The following TRPM1 variants were observed in gnomAD, a reference collection of about 807,000 sequenced individuals.
TRPM1 encodes the protein TRPM1-203 APA Isoform, Intron 10.
A neutral mutation model predicts 149.4 loss-of-function variants in TRPM1; 113 were observed. That is an observed-to-expected ratio of 0.76 (90% CI 0.65 to 0.88). TRPM1 has a LOEUF of 0.88. TRPM1 is among the 40% of genes least tolerant of loss of function. The pLI, the probability that TRPM1 is intolerant of heterozygous loss-of-function variation, is 0.00. For synonymous variants in TRPM1, 741 were observed against 759.5 expected (o/e 0.98, Z 0.40); for missense variants, 1,976 against 2,038.7 (o/e 0.97, Z 0.59).
At chr15:31,130,546 G>A (rs369104950) in intron 1 of TRPM1, among the ~76,000 whole-genome samples, 2 of 152,202 alleles carry the variant, frequency 1.3e-5, no homozygotes, top group East Asian at 3.9e-4. Flanking sequence ...GAGTCATGAA[G>A]CCAGAGGCTG....
chr15:31,154,769 A>G (rs548757075), intron 1 of TRPM1, among the ~76,000 whole-genome samples: 1 of 152,218 alleles, frequency 6.6e-6, no homozygotes, highest in East Asian at 1.9e-4. Context: ...ATTTTGCAGA[A>G]CCTGCACTTG....
chr15:31,072,964 G>A (rs2034598824), intron 3 of TRPM1, among the ~76,000 whole-genome samples: 1 of 152,004 alleles, frequency 6.6e-6, no homozygotes, highest in African/African-American at 2.4e-5. Context: ...CATTCTGTGG[G>A]TTGTCTTTCC....
chr15:31,103,114 C>G (rs2035548068), upstream of TRPM1, among the ~76,000 whole-genome samples: 1 of 152,188 alleles, frequency 6.6e-6, no homozygotes, highest in Non-Finnish European at 1.5e-5. Flanking sequence ...TGTGGAGGCT[C>G]TGTGGTCAGC....
At chr15:31,088,350 TTTC>T (rs1207018934) in intron 1 of TRPM1, among the ~76,000 whole-genome samples, 4 of 152,208 alleles carry the variant, frequency 2.6e-5, no homozygotes, top group Non-Finnish European at 5.9e-5. Context: ...TTGTGGAAGC[TTTC>T]TTCTTTTTGT....
In TRPM1 at chr15:31,076,936, A is replaced by G. The variant is rs1371435490; in HGVS notation, c.52T>C (p.Phe18Leu). 1 of 1,612,340 alleles carries G rather than the reference A, an allele frequency of 6.2e-7. No individual in the cohort carries two copies. Among genetic ancestry groups the G allele is most frequent in the Non-Finnish European group, 8.5e-7 (1 of 1,178,474 alleles). The change falls in exon 3 of 28, where the codon TTT becomes CTT. Residue 18 changes from phenylalanine to leucine, a missense_variant. By Grantham distance (22) the Phe-to-Leu change is conservative (BLOSUM62 0). Transcript: ENST00000256552. ...GAGTCTTTCATGCTAGGAATTACAA[A>G]GATACATTCCCGTTTGCAAAAGGTT... ...EKTFCKRECI[F>L]VIPSMKDSNR...
chr15:31,089,909 C>G (rs1431771023), intron 1 of TRPM1, among the ~76,000 whole-genome samples: 6 of 152,118 alleles, frequency 3.9e-5, no homozygotes, highest in Non-Finnish European at 8.8e-5. Context: ...GCAGAGGATC[C>G]TGGGTTGGCC....
chr15:31,063,647 C>T (rs1224207622), intron 7 of TRPM1, among the ~76,000 whole-genome samples: 2 of 151,990 alleles, frequency 1.3e-5, no homozygotes, highest in African/African-American at 4.8e-5. Flanking sequence ...GAGATGAAGT[C>T]TTGCCATGTT....
intron 27 of TRPM1, among the ~76,000 whole-genome samples, 160 bp from the exon 28 acceptor site, chr15:31,003,230 A>G (rs538105150): frequency 3.9e-5 from 6 of 152,222 alleles, no homozygotes; most frequent in Admixed American, 1.3e-4. Context: ...GACTACTCGA[A>G]TTACCATGAG....
intron 1 of TRPM1, among the ~76,000 whole-genome samples, chr15:31,101,087 A>C (rs1212419875): frequency 6.6e-6 from 1 of 152,234 alleles, no homozygotes; most frequent in African/African-American, 2.4e-5. Flanking sequence ...GTGAAATATC[A>C]GCTGATAAAG....
rs572265994 is a variant in TRPM1, at chr15:31,038,185, T to C, written c.2317-19A>G. ...TGATAACCTACGGAACATAAATTGA[T>C]TTTTTAAGCTGTGGCAATTCTAGAA... On this transcript the variant is annotated intron_variant, in intron 18 of 27. Transcript: ENST00000256552. The C allele has an allele frequency of 1.2e-6, 2 of 1,613,508 alleles. No individual in the cohort carries two copies. The highest frequency in any genetic ancestry group is 2.2e-5 in the East Asian group (1 of 44,870).
intron 1 of TRPM1, among the ~76,000 whole-genome samples, chr15:31,129,020 C>G (rs1431471064): frequency 6.6e-6 from 1 of 152,236 alleles, no homozygotes; most frequent in Non-Finnish European, 1.5e-5. Context: ...GTGGCAGCCT[C>G]CTCGGGAGCT....
At chr15:31,033,821 AG>A (rs2033214126) in intron 21 of TRPM1, among the ~76,000 whole-genome samples, 1 of 152,204 alleles carries the variant, frequency 6.6e-6, no homozygotes, top group East Asian at 1.9e-4. Flanking sequence ...GCGATGGTAA[AG>A]CAGGCCGCTC....
At chr15:31,088,469 C>T (rs1251810402) in intron 1 of TRPM1, among the ~76,000 whole-genome samples, 3 of 152,176 alleles carry the variant, frequency 2.0e-5, no homozygotes, top group Non-Finnish European at 4.4e-5. Context: ...GGCTTCACTC[C>T]TGAAGTCAGC....
intron 11 of TRPM1, among the ~76,000 whole-genome samples, chr15:31,056,141 G>A (rs2034079564): frequency 6.6e-6 from 1 of 152,148 alleles, no homozygotes; most frequent in South Asian, 2.1e-4. Flanking sequence ...CAAAATGATA[G>A]AGAAATAAAA....
chr15:31,128,582 G>A (rs783024), intron 1 of TRPM1, among the ~76,000 whole-genome samples: 78,614 of 151,986 alleles, frequency 0.52, 21,007 homozygotes, highest in African/African-American at 0.59. Flanking sequence ...TGGGGGAGAC[G>A]GTGCTGGATG....
At chr15:31,054,424 A>T (rs536238127) in intron 11 of TRPM1, among the ~76,000 whole-genome samples, 184 of 152,138 alleles carry the variant, frequency 1.2e-3, no homozygotes, top group African/African-American at 4.2e-3. Context: ...CCTCCTAAGT[A>T]GCTGGGATTA....
At chr15:31,062,504 C>T (rs1261788076) in intron 9 of TRPM1, 75 bp downstream of exon 9, 11 of 1,583,212 alleles carry the variant, frequency 6.9e-6, no homozygotes, top group Non-Finnish European at 9.5e-6. Context: ...CTGTCATGCA[C>T]ACATGGGCGG....
At position 31,028,457 on chromosome 15, in the gene TRPM1, T is replaced by C. The variant is rs2032896083; in HGVS notation, c.3168A>G (p.Leu1056=). ...GAAGCCGCTTGCCCTCCTCATCATA[T>C]AGGTTCTCACCACAAGGAGCTGAAA... ...MEINPPCGEN[L]YDEEGKRLPP... Residue 1056 remains leucine (L), a synonymous_variant, in exon 25 of 28, where the codon CTA becomes CTG. Coordinates refer to ENST00000256552, the MANE Select transcript of TRPM1 (RefSeq NM_001252024.2). 1 of 1,614,128 alleles carries C rather than the reference T, an allele frequency of 6.2e-7. No individual in the cohort carries two copies. Among genetic ancestry groups the C allele is most frequent in the Non-Finnish European group, 8.5e-7 (1 of 1,180,036 alleles).
At chr15:31,071,925 C>T (rs557146359) in intron 3 of TRPM1, among the ~76,000 whole-genome samples, 17 of 139,494 alleles carry the variant, frequency 1.2e-4, no homozygotes, top group Non-Finnish European at 2.1e-4. Context: ...GATCGTGGCA[C>T]TGCACTCCAG....
Sources: gnomAD v4.1 joint callset for allele counts (sites outside exome capture counted in the v4.1 genomes callset) on GRCh38, gnomAD v4.1.1 for gene constraint, MANE v1.5 for transcripts, NCBI Gene and HGNC (gene_info 2026-07-23, HGNC 2026-07-21) for gene names.